MARCHF1: variants seen among roughly 807,000 people sequenced by gnomAD.
MARCHF1 encodes the protein E3 ubiquitin-protein ligase MARCHF1.
Under a neutral mutation model 54.2 loss-of-function variants are expected in MARCHF1, and 40 were observed. That is an observed-to-expected ratio of 0.74 (90% CI 0.57 to 0.96). The LOEUF (loss-of-function observed/expected upper bound fraction) is 0.96, where lower values mean the gene tolerates loss of function less well. Ranked by LOEUF, MARCHF1 falls within the 40% of genes least tolerant of loss-of-function variation. The probability of loss-of-function intolerance (pLI) is 0.00; values close to 1 mark genes in which losing one functional copy is unlikely to be tolerated. For missense variants in MARCHF1, 586 were observed against 656.5 expected, an observed-to-expected ratio of 0.89 and a Z score of 1.17; for synonymous variants, 236 against 236.3, an observed-to-expected ratio of 1.00 and a Z score of 0.01.
chr4:164,133,732 G>T (rs1036447140), intron 1 of MARCHF1, among the ~76,000 whole-genome samples: 2 of 152,190 alleles, frequency 1.3e-5, no homozygotes, highest in African/African-American at 4.8e-5. Context: ...AATTTGGTAT[G>T]TGTTAGCAGA....
At chr4:163,542,950 TGTG>T (rs1738767498) in intron 9 of MARCHF1, among the ~76,000 whole-genome samples, 1 of 151,972 alleles carries the variant, frequency 6.6e-6, no homozygotes, top group East Asian at 1.9e-4. Context: ...TTTGAGTGTG[TGTG>T]GTGGTGGTGG....
At position 163,819,395 on chromosome 4, in the gene MARCHF1, A is replaced by G. The variant is rs137918261; in HGVS notation, c.111+34626T>C. 5.4e-3 allele frequency among the ~76,000 whole-genome samples: 828 copies of G among 152,194 alleles called. 13 individuals are homozygous for G. Among genetic ancestry groups the G allele is most frequent in the African/African-American group, 0.019 (789 of 41,540 alleles). ...CCTGAATGAAACCATTGCACATCTGAATTCTGTGTCTTCTCCAGAGTAGCA... is the reference window on the plus strand; with the variant it reads ...CCTGAATGAAACCATTGCACATCTGGATTCTGTGTCTTCTCCAGAGTAGCA... On this transcript the variant is annotated intron_variant, in intron 4 of 9. Transcript: ENST00000514618.
At chr4:163,787,941 C>T (rs1007919476) in intron 4 of MARCHF1, among the ~76,000 whole-genome samples, 2 of 151,874 alleles carry the variant, frequency 1.3e-5, no homozygotes, top group African/African-American at 4.8e-5. Flanking sequence ...GGAAGACCCT[C>T]AAGGACAATT....
intron 4 of MARCHF1, among the ~76,000 whole-genome samples, chr4:163,850,730 A>G (rs545149252): frequency 1.3e-5 from 2 of 152,336 alleles, no homozygotes; most frequent in South Asian, 2.1e-4. Flanking sequence ...TGTTTGAATT[A>G]ACTAGAGAGG....
chr4:164,109,950 C>G (rs1023152555), intron 2 of MARCHF1, among the ~76,000 whole-genome samples: 3 of 116,560 alleles, frequency 2.6e-5, no homozygotes, highest in Non-Finnish European at 3.7e-5. Context: ...AATGTAAATT[C>G]ACCACTGATA....
chr4:164,248,774 T>C (rs1440938327), intron 1 of MARCHF1, among the ~76,000 whole-genome samples: 1 of 152,070 alleles, frequency 6.6e-6, no homozygotes, highest in Admixed American at 6.6e-5. Flanking sequence ...CATCTCATCC[T>C]TAATTATTTC....
chr4:164,331,109 A>G (rs770737140), intron 1 of MARCHF1, among the ~76,000 whole-genome samples: 8 of 152,170 alleles, frequency 5.3e-5, no homozygotes, highest in Non-Finnish European at 1.0e-4. Flanking sequence ...TCATTAGTCA[A>G]TATTTCTCTT....
At chr4:164,091,830 G>A (rs34645954) in intron 2 of MARCHF1, among the ~76,000 whole-genome samples, 4,232 of 151,422 alleles carry the variant, frequency 0.028, 178 homozygotes, top group African/African-American at 0.097. Flanking sequence ...GAGTAATAAT[G>A]TGCTAGTGAA....
At chr4:164,279,241 T>C (rs1733961826) in intron 1 of MARCHF1, among the ~76,000 whole-genome samples, 1 of 151,462 alleles carries the variant, frequency 6.6e-6, no homozygotes, top group Non-Finnish European at 1.5e-5. Context: ...GAAGAAATTA[T>C]AGAAAGGAAA....
At chr4:163,999,647 A>G (rs1239970913) in intron 2 of MARCHF1, among the ~76,000 whole-genome samples, 1 of 151,652 alleles carries the variant, frequency 6.6e-6, no homozygotes, top group Admixed American at 6.6e-5. Flanking sequence ...CAGTACCATT[A>G]TAAATTTGAA....
In MARCHF1 at chr4:164,023,479, A is replaced by G. The variant is rs114880415; in HGVS notation, c.-247-34770T>C. Among the ~76,000 whole-genome samples the G allele has an allele frequency of 3.2e-3, 490 of 152,334 alleles. 3 individuals are homozygous for G. Among genetic ancestry groups the G allele is most frequent in the African/African-American group, 0.011 (469 of 41,582 alleles). On this transcript the variant is annotated intron_variant, in intron 2 of 9. Coordinates refer to ENST00000514618, the MANE Select transcript of MARCHF1 (RefSeq NM_001394959.1). The stretch of plus-strand genomic sequence containing the variant: ...CTACAGTGCTAAAAATATTCTGCCA[A>G]TATAGACCCATGTGACACAAAGAGC...
intron 3 of MARCHF1, among the ~76,000 whole-genome samples, chr4:163,960,074 G>A (rs1014960896): frequency 2.0e-5 from 3 of 151,702 alleles, no homozygotes; most frequent in African/African-American, 4.8e-5. Context: ...ATCACTGATC[G>A]TTAGAGAAAT....
intron 5 of MARCHF1, among the ~76,000 whole-genome samples, chr4:163,696,620 A>G (rs563892325): frequency 6.6e-6 from 1 of 152,278 alleles, no homozygotes; most frequent in East Asian, 1.9e-4. Flanking sequence ...AATGCATTCT[A>G]TTATTTAAAG....
chr4:163,832,951 T>G (rs990902940), intron 4 of MARCHF1, among the ~76,000 whole-genome samples: 3 of 152,110 alleles, frequency 2.0e-5, no homozygotes, highest in East Asian at 3.9e-4. Context: ...TAGTATTCCA[T>G]GGTGTATATG....
intron 4 of MARCHF1, among the ~76,000 whole-genome samples, chr4:163,735,475 G>A (rs188999502): frequency 1.8e-3 from 275 of 152,238 alleles, no homozygotes; most frequent in Non-Finnish European, 3.3e-3. Context: ...TAACAGAGTA[G>A]CTGAGACTAG....
chr4:163,794,468 C>T (rs1406701705), intron 4 of MARCHF1, among the ~76,000 whole-genome samples: 1 of 152,108 alleles, frequency 6.6e-6, no homozygotes, highest in African/African-American at 2.4e-5. Flanking sequence ...ATAACACAAA[C>T]TTATTATGTA....
chr4:163,564,176 T>C (rs1739564683), intron 8 of MARCHF1, among the ~76,000 whole-genome samples: 2 of 152,156 alleles, frequency 1.3e-5, no homozygotes, highest in African/African-American at 2.4e-5. Context: ...CTCAAATCTT[T>C]TGTGCGTTGA....
chr4:163,755,259 A>G (rs1746632703), intron 4 of MARCHF1, among the ~76,000 whole-genome samples: 1 of 152,188 alleles, frequency 6.6e-6, no homozygotes, highest in Non-Finnish European at 1.5e-5. Flanking sequence ...TAAAATATGT[A>G]CAGGGAGATT....
intron 2 of MARCHF1, among the ~76,000 whole-genome samples, chr4:164,005,576 A>C (rs190871264): frequency 5.9e-5 from 9 of 152,308 alleles, no homozygotes; most frequent in African/African-American, 1.9e-4. Context: ...TGAGGTGGTC[A>C]ACCAGCTTCT....
Sources: gnomAD v4.1 joint callset for allele counts (sites outside exome capture counted in the v4.1 genomes callset) on GRCh38, gnomAD v4.1.1 for gene constraint, MANE v1.5 for transcripts, NCBI Gene and HGNC (gene_info 2026-07-23, HGNC 2026-07-21) for gene names.